The following ETV1 variants were observed in gnomAD, a reference collection of about 807,000 sequenced individuals.
ETV1 encodes the protein ETS translocation variant 1.
A neutral mutation model predicts 62.3 loss-of-function variants in ETV1; 27 were observed. The observed-to-expected ratio is 0.43, with a 90% CI of 0.32 to 0.60. The LOEUF is 0.60. Among genes scored for constraint, ETV1 ranks in the 20% least tolerant of loss-of-function variants. The pLI, the probability that ETV1 is intolerant of heterozygous loss-of-function variation, is 0.06. For missense variants in ETV1, 605 were observed against 605.8 expected, an observed-to-expected ratio of 1.00 and a Z score of 0.01; for synonymous variants, 222 against 199.6, an observed-to-expected ratio of 1.11 and a Z score of -0.94.
chr7:13,951,687 T>C (rs1788832227), intron 6 of ETV1, among the ~76,000 whole-genome samples: 1 of 152,214 alleles, frequency 6.6e-6, no homozygotes, highest in African/African-American at 2.4e-5. Flanking sequence ...TAGGTAACCT[T>C]TGTGTTACTC....
intron 6 of ETV1, among the ~76,000 whole-genome samples, chr7:13,975,833 T>A (rs965819275): frequency 4.6e-5 from 7 of 152,170 alleles, no homozygotes; most frequent in Admixed American, 2.6e-4. Context: ...CTATAGGTGG[T>A]TCATTTTACC....
At chr7:13,954,056 A>G (rs1158222215) in intron 6 of ETV1, among the ~76,000 whole-genome samples, 1 of 152,228 alleles carries the variant, frequency 6.6e-6, no homozygotes, top group Admixed American at 6.5e-5. Flanking sequence ...TTGCATTGCC[A>G]TAGAAGACTA....
At chr7:13,988,631 G>GAAAA in intron 3 of ETV1, 2 of 729,042 alleles carry the variant, frequency 2.7e-6, no homozygotes, top group Non-Finnish European at 1.7e-6. Context: ...AAAAAAAAAA[G>GAAAA]AAACAAAAAC....
At chr7:13,940,091 C>T (rs191252432) in intron 6 of ETV1, among the ~76,000 whole-genome samples, 24 of 152,204 alleles carry the variant, frequency 1.6e-4, no homozygotes, top group African/African-American at 4.6e-4. Context: ...GGCCGGGCGC[C>T]GTGGCTCACG....
chr7:13,906,111 C>T (rs1246457501), intron 12 of ETV1: 1 of 203,528 alleles, frequency 4.9e-6, no homozygotes, highest in Non-Finnish European at 9.7e-6. Flanking sequence ...ATAAAACCTC[C>T]CTCCTGCCTC....
intron 5 of ETV1, among the ~76,000 whole-genome samples, chr7:13,985,748 T>A (rs1782490009): frequency 6.6e-6 from 1 of 152,298 alleles, no homozygotes; most frequent in East Asian, 1.9e-4. Flanking sequence ...AATTAATGTT[T>A]CACATTTGTA....
At chr7:13,988,236 G>GCA (rs1456102770) in intron 3 of ETV1, 63 bp from the exon 4 acceptor site, 3 of 909,248 alleles carry the variant, frequency 3.3e-6, no homozygotes, top group Admixed American at 3.9e-5. Context: ...ACACGCACAC[G>GCA]CGCGCGCACA....
intron 5 of ETV1, chr7:13,986,289 T>G: frequency 2.0e-6 from 3 of 1,508,554 alleles, no homozygotes; most frequent in Non-Finnish European, 2.6e-6. Flanking sequence ...AGCCGGGTTC[T>G]GGCTCTAGGA....
chr7:13,938,553 CATAT>C (rs1383563688), intron 7 of ETV1, among the ~76,000 whole-genome samples: 2 of 152,138 alleles, frequency 1.3e-5, no homozygotes, highest in African/African-American at 4.8e-5. Context: ...TTTTAATGAA[CATAT>C]ATGTGATCAA....
chr7:13,934,693 C>T (rs1387457001), intron 8 of ETV1, among the ~76,000 whole-genome samples: 2 of 152,140 alleles, frequency 1.3e-5, no homozygotes, highest in Non-Finnish European at 1.5e-5. Context: ...CATTTCATTA[C>T]CAATTATACA....
chr7:13,986,119 A>G, intron 5 of ETV1: 2 of 1,583,286 alleles, frequency 1.3e-6, no homozygotes, highest in Non-Finnish European at 1.7e-6. Flanking sequence ...TACACACCTA[A>G]CGTTCTGTGT....
At chr7:13,932,064 A>G (rs895768668) in intron 8 of ETV1, among the ~76,000 whole-genome samples, 10 of 151,902 alleles carry the variant, frequency 6.6e-5, no homozygotes, top group African/African-American at 2.4e-4. Context: ...ACACACACAC[A>G]CACACAACGA....
At chr7:13,932,114 C>T (rs910503241) in intron 8 of ETV1, among the ~76,000 whole-genome samples, 2 of 151,908 alleles carry the variant, frequency 1.3e-5, no homozygotes, top group African/African-American at 2.4e-5. Context: ...AATTGGATCA[C>T]GGATAATTTC....
At chr7:13,944,276 T>C (rs907934305) in intron 6 of ETV1, among the ~76,000 whole-genome samples, 1 of 152,226 alleles carries the variant, frequency 6.6e-6, no homozygotes, top group Non-Finnish European at 1.5e-5. Context: ...AACAGGTATT[T>C]ATTGCTCACA....
rs137924988 is a variant in ETV1 at position 13,895,619 on chromosome 7, T to G, written c.*247A>C. ...AAGTAAAAAGTAATCCCCAAATCCC[T>G]CTGCCCATTCACCCATTAGCTTCCT... On this transcript the variant is annotated 3_prime_UTR_variant, in exon 14 of 14. Transcript: ENST00000430479. 4.5e-5 allele frequency: 21 copies of G among 471,738 alleles called. No individual in the cohort carries two copies. In the East Asian group the frequency reaches 6.5e-4, roughly 15 times the overall value. The allele number at this position is 471,738 out of a possible 1,614,324, so 29.2% of individuals were successfully genotyped here. A position where few individuals can be genotyped will look rare whatever the true frequency, so the allele number is the denominator to read the frequency against.
At chr7:13,977,183 T>G (rs548768486) in intron 6 of ETV1, among the ~76,000 whole-genome samples, 2 of 152,300 alleles carry the variant, frequency 1.3e-5, no homozygotes, top group East Asian at 1.9e-4. Flanking sequence ...TTCAATCAAC[T>G]CAGTCTTCCT....
intron 9 of ETV1, among the ~76,000 whole-genome samples, chr7:13,914,237 C>T (rs1783896409): frequency 6.6e-6 from 1 of 151,776 alleles, no homozygotes; most frequent in Non-Finnish European, 1.5e-5. Flanking sequence ...CATGTTAGCT[C>T]CTAAAGCGCT....
At chr7:13,899,447 A>G (rs543148575) in intron 13 of ETV1, among the ~76,000 whole-genome samples, 1 of 152,310 alleles carries the variant, frequency 6.6e-6, no homozygotes, top group African/African-American at 2.4e-5. Flanking sequence ...CACTGAGATA[A>G]TATGCCTCTT....
chr7:13,955,699 G>C (rs1010042219), intron 6 of ETV1, among the ~76,000 whole-genome samples: 3 of 152,182 alleles, frequency 2.0e-5, no homozygotes, highest in African/African-American at 7.2e-5. Context: ...GGAACTAAAT[G>C]TATTGGATCA....
Sources: allele counts gnomAD v4.1 joint callset (sites outside exome capture counted in the v4.1 genomes callset), GRCh38; gene constraint gnomAD v4.1.1; transcripts MANE v1.5; gene names NCBI Gene and HGNC (gene_info 2026-07-23, HGNC 2026-07-21).